NEK6: variants seen among roughly 807,000 people sequenced by gnomAD.
NEK6 encodes the protein serine/threonine-protein kinase Nek6.
Under a neutral mutation model 43.5 loss-of-function variants are expected in NEK6, and 27 were observed. That is an observed-to-expected ratio of 0.62 (90% CI 0.46 to 0.86). NEK6 has a LOEUF of 0.86. Among genes scored for constraint, NEK6 ranks in the 40% least tolerant of loss-of-function variants. The pLI is 0.00. For synonymous variants in NEK6, 167 were observed against 164.1 expected, an observed-to-expected ratio of 1.02 and a Z score of -0.14; for missense variants, 318 against 414.4, an observed-to-expected ratio of 0.77 and a Z score of 2.02.
intron 7 of NEK6, among the ~76,000 whole-genome samples, chr9:124,339,343 T>A (rs886303187): frequency 2.0e-5 from 3 of 151,728 alleles, no homozygotes; most frequent in African/African-American, 7.3e-5. Context: ...CTGCTTCAAG[T>A]CCCTGGCACC....
chr9:124,333,471 CTGTGCT>C (rs1299005970), intron 7 of NEK6, among the ~76,000 whole-genome samples: 1 of 152,212 alleles, frequency 6.6e-6, no homozygotes, highest in Non-Finnish European at 1.5e-5. Flanking sequence ...CCTGAGGACC[CTGTGCT>C]GCCAGGCTCA....
rs746501327 is a variant in NEK6 at position 124,313,946 on chromosome 9, G to A, written c.255G>A (p.Lys85=). 5.0e-6 allele frequency: 8 copies of A among 1,614,130 alleles called. No homozygotes were observed. Among genetic ancestry groups the A allele is most frequent in the Non-Finnish European group, 5.1e-6 (6 of 1,180,034 alleles). Residue 85 remains lysine, a synonymous_variant, in exon 4 of 10, where the codon AAG becomes AAA. Coordinates refer to ENST00000320246, the MANE Select transcript of NEK6 (RefSeq NM_014397.6). The part of the protein sequence containing the change: ...KVQIFEMMDA[K]ARQDCVKEIG... Reference sequence around the variant, plus strand: ...AGATCTTTGAGATGATGGACGCCAAGGCGAGGCAGGACTGTGTCAAGGAGA... The same window carrying A: ...AGATCTTTGAGATGATGGACGCCAAAGCGAGGCAGGACTGTGTCAAGGAGA...
intron 7 of NEK6, among the ~76,000 whole-genome samples, chr9:124,331,650 A>G (rs1588527197): frequency 6.6e-6 from 1 of 152,234 alleles, no homozygotes; most frequent in South Asian, 2.1e-4. Flanking sequence ...TGGGCCCCAC[A>G]GGGAAGGACA....
rs149692805 is a variant in NEK6, at chr9:124,307,861, C to T, written c.91-4648C>T. ...TGCAGCCCCCAAGGTTACCGCCAGC[C>T]GCCGAGGGGTGGGAACGGCAGGGTG... is the stretch of plus-strand genomic sequence containing the variant. On this transcript the variant is annotated intron_variant, in intron 2 of 9. Transcript: ENST00000320246. 5.1e-3 allele frequency among the ~76,000 whole-genome samples: 777 copies of T among 152,288 alleles called. 9 individuals carry two copies. The highest frequency in any genetic ancestry group is 0.018 in the African/African-American group (731 of 41,548).
chr9:124,317,327 A>G (rs1489755160), intron 4 of NEK6, among the ~76,000 whole-genome samples: 3 of 151,990 alleles, frequency 2.0e-5, no homozygotes, highest in Non-Finnish European at 4.4e-5. Flanking sequence ...ATCTCGGCTC[A>G]CTACAACCTC....
At chr9:124,342,707 C>T (rs1275497660) in intron 8 of NEK6, among the ~76,000 whole-genome samples, 1 of 152,270 alleles carries the variant, frequency 6.6e-6, no homozygotes, top group Non-Finnish European at 1.5e-5. Flanking sequence ...CTTTGTCCTC[C>T]TTTCCTCATG....
chr9:124,350,997 G>C lies in NEK6; in HGVS notation c.*50G>C, dbSNP rs1830247676. 1 of 1,371,334 alleles carries C rather than the reference G, an allele frequency of 7.3e-7. No homozygotes were observed. The highest frequency in any genetic ancestry group is 1.0e-6 in the Non-Finnish European group (1 of 974,444). 84.9% of individuals were successfully genotyped at this position (1,371,334 alleles called of 1,614,324 possible). A position where few individuals can be genotyped will look rare whatever the true frequency, so the allele number is the denominator to read the frequency against. ...AAGCCAGCACCACTTTGCCTTACTT[G>C]AGTCGTCTTCTCTTCGAGTGGCCAC... is the stretch of plus-strand genomic sequence containing the variant. On this transcript the variant is annotated 3_prime_UTR_variant, in exon 10 of 10. Coordinates refer to ENST00000320246, the MANE Select transcript of NEK6 (RefSeq NM_014397.6).
In NEK6 at chr9:124,327,338, A is replaced by T; in HGVS notation, c.515A>T (p.Asp172Val). 1 of 1,613,458 alleles carries T rather than the reference A, an allele frequency of 6.2e-7. No individual in the cohort carries two copies. The highest frequency in any genetic ancestry group is 1.1e-5 in the South Asian group (1 of 91,074). ...HMHSRRVMHRDIKPANVFITA... is the reference protein window; with the variant it reads ...HMHSRRVMHRVIKPANVFITA... ...CAATCTCCTTCTCCTCGCCCTGCAG[A>T]CATCAAGCCTGCCAACGTGTTCATC... Residue 172 changes from aspartate to valine, a missense_variant and splice_region_variant, in exon 7 of 10, where the codon GAC (aspartate) becomes GTC (valine). By Grantham distance (152) the Asp-to-Val change is radical. Transcript: ENST00000320246.
At chr9:124,332,984 G>A (rs539095790) in intron 7 of NEK6, among the ~76,000 whole-genome samples, 68 of 152,258 alleles carry the variant, frequency 4.5e-4, no homozygotes, top group Non-Finnish European at 7.3e-4. Flanking sequence ...TCTGCGTCTC[G>A]GCATCGCCGG....
rs1352636456 is a variant in NEK6, at chr9:124,326,707, C to T, written c.514+269C>T. ...CCCCACAGCAGCCTGGGAGGGAGGT[C>T]GAGGAAGCCTCGCACAGAGGGGACT... is the stretch of plus-strand genomic sequence containing the variant. On this transcript the variant is annotated intron_variant, in intron 6 of 9. Transcript: ENST00000320246. The surrounding 1 kb of genome is among the most constrained non-coding windows in gnomAD (Gnocchi z 4.5). 2.0e-5 allele frequency among the ~76,000 whole-genome samples: 3 copies of T among 152,178 alleles called. No individual in the cohort carries two copies. Among genetic ancestry groups the T allele is most frequent in the Admixed American group, 6.5e-5 (1 of 15,286 alleles).
At chr9:124,276,084 A>G (rs556686343) in intron 1 of NEK6, among the ~76,000 whole-genome samples, 1 of 151,880 alleles carries the variant, frequency 6.6e-6, no homozygotes, top group Non-Finnish European at 1.5e-5. Flanking sequence ...TGTGAACTTC[A>G]GGAGAGAGGA....
At position 124,323,553 on chromosome 9, in the gene NEK6, G is replaced by A. The variant is rs555704187; in HGVS notation, c.405+1984G>A. On this transcript the variant is annotated intron_variant, in intron 5 of 9. Transcript: ENST00000320246. ...CCTCTCCCTGCTGCCACACGGGAAC[G>A]CAGCCCGTGGAGAGGACGCCTCACC... is the stretch of plus-strand genomic sequence containing the variant. Among the ~76,000 whole-genome samples the A allele has an allele frequency of 2.0e-4, 31 of 152,290 alleles. No homozygotes were observed. The South Asian group carries it at 5.0e-3, about 24-fold the overall frequency.
Position 124,324,709 on chromosome 9 carries a change from C to T in NEK6, c.406-1621C>T, listed in dbSNP as rs1834247662. 6.6e-6 allele frequency among the ~76,000 whole-genome samples: 1 copy of T among 152,144 alleles called. No homozygotes were observed. Among genetic ancestry groups the T allele is most frequent in the African/African-American group, 2.4e-5 (1 of 41,426 alleles). ...CTGAGAGGGCCTCCCAGAATTGTACCTCAGAACAGCCTCGAGGGGATTTAC... is the reference window on the plus strand; with the variant it reads ...CTGAGAGGGCCTCCCAGAATTGTACTTCAGAACAGCCTCGAGGGGATTTAC... On this transcript the variant is annotated intron_variant, in intron 5 of 9. Transcript: ENST00000320246. The surrounding 1 kb of genome is among the most constrained non-coding windows in gnomAD (Gnocchi z 5.3).
chr9:124,352,039 A>T lies in NEK6; in HGVS notation c.*1092A>T, dbSNP rs139595461. 4.6e-5 allele frequency: 7 copies of T among 152,814 alleles called. No individual in the cohort carries two copies. The East Asian group carries it at 1.3e-3, about 29-fold the overall frequency. The allele number at this position is 152,814 out of a possible 1,614,324, so 9.5% of individuals were successfully genotyped here. The stretch of plus-strand genomic sequence containing the variant: ...AATGTGTTCCTTATTTCTTGTTCCC[A>T]AACAGGATTAACTGTGAAGACTAAT... On this transcript the variant is annotated 3_prime_UTR_variant, in exon 10 of 10. Transcript: ENST00000320246.
At chr9:124,320,394 A>G (rs1274758122) in intron 4 of NEK6, among the ~76,000 whole-genome samples, 2 of 152,204 alleles carry the variant, frequency 1.3e-5, no homozygotes, top group African/African-American at 2.4e-5. Context: ...GCTCTGTAAC[A>G]TCTGCCCAGG....
rs1356595974 is a variant in NEK6 at position 124,351,104 on chromosome 9, C to A, written c.*157C>A. On this transcript the variant is annotated 3_prime_UTR_variant, in exon 10 of 10. Transcript: ENST00000320246. Reference sequence around the variant, plus strand: ...CCAGCCTTACAGCAGATGCTGAAGGCAGAGCAGCTGAGGGAGGGGCGCTGG... The same window carrying A: ...CCAGCCTTACAGCAGATGCTGAAGGAAGAGCAGCTGAGGGAGGGGCGCTGG... 1.7e-6 allele frequency: 1 copy of A among 587,248 alleles called. No individual in the cohort carries two copies. The highest frequency in any genetic ancestry group is 1.9e-5 in the African/African-American group (1 of 53,524). The allele number at this position is 587,248 out of a possible 1,614,324, so 36.4% of individuals were successfully genotyped here.
At position 124,326,522 on chromosome 9, in the gene NEK6, G is replaced by A. The variant is rs565053267; in HGVS notation, c.514+84G>A. On this transcript the variant is annotated intron_variant, in intron 6 of 9. Coordinates refer to ENST00000320246, the MANE Select transcript of NEK6 (RefSeq NM_014397.6). The surrounding 1 kb of genome is among the most constrained non-coding windows in gnomAD (Gnocchi z 4.5). Reference sequence around the variant, plus strand: ...TCATGGCTCCTCCAGGGTCCTCAGGGGCAGCCCCTTGAGGAAGTTGGACCG... The same window carrying A: ...TCATGGCTCCTCCAGGGTCCTCAGGAGCAGCCCCTTGAGGAAGTTGGACCG... The A allele has an allele frequency of 6.0e-5, 62 of 1,039,108 alleles. No homozygotes were observed. Among genetic ancestry groups the A allele is most frequent in the Non-Finnish European group, 8.4e-5 (57 of 677,926 alleles). The allele number at this position is 1,039,108 out of a possible 1,614,324, so 64.4% of individuals were successfully genotyped here.
rs1367320332 is a variant in NEK6, at chr9:124,351,158, A to G, written c.*211A>G. 20 of 523,576 alleles carry G rather than the reference A, an allele frequency of 3.8e-5. No individual in the cohort carries two copies. In the South Asian group the frequency reaches 4.3e-4, roughly 11 times the overall value. The allele number at this position is 523,576 out of a possible 1,614,324, so 32.4% of individuals were successfully genotyped here. A position where few individuals can be genotyped will look rare whatever the true frequency, so the allele number is the denominator to read the frequency against. ...CATGTCACTGATGGTCAGATTCCAAAGTCCTTTCTTTATACTGTTGTGGAC... is the reference window on the plus strand; with the variant it reads ...CATGTCACTGATGGTCAGATTCCAAGGTCCTTTCTTTATACTGTTGTGGAC... On this transcript the variant is annotated 3_prime_UTR_variant, in exon 10 of 10. Coordinates refer to ENST00000320246, the MANE Select transcript of NEK6 (RefSeq NM_014397.6).
At chr9:124,315,936 G>A (rs754228035) in intron 4 of NEK6, among the ~76,000 whole-genome samples, 4 of 152,346 alleles carry the variant, frequency 2.6e-5, no homozygotes, top group East Asian at 1.9e-4. Context: ...CAACAGGGAC[G>A]CTGGAGGAGT....
Sources: gnomAD v4.1 joint callset for allele counts (sites outside exome capture counted in the v4.1 genomes callset) on GRCh38, gnomAD v4.1.1 for gene constraint, Gnocchi (gnomAD v3.1) non-coding constraint, MANE v1.5 for transcripts, NCBI Gene and HGNC (gene_info 2026-07-23, HGNC 2026-07-21) for gene names.